RASEF: variants seen among roughly 807,000 people sequenced by gnomAD.
RASEF encodes ras and EF-hand domain-containing protein.
Under a neutral mutation model 90.1 loss-of-function variants are expected in RASEF, and 68 were observed. The observed-to-expected ratio is 0.75, with a 90% CI of 0.62 to 0.92. RASEF has a LOEUF of 0.92. RASEF is among the 40% of genes least tolerant of loss of function. The pLI is 0.00. For missense variants in RASEF, 949 were observed against 937.2 expected (o/e 1.01, Z -0.16); for synonymous variants, 331 against 345.2 (o/e 0.96, Z 0.46).
the RASEF span, among the ~76,000 whole-genome samples, chr9:83,125,322 G>A: frequency 6.6e-6 from 1 of 152,180 alleles, no homozygotes; most frequent in Non-Finnish European, 1.5e-5. Context: ...CTCCTCTAGT[G>A]CTTCCAGAAA....
chr9:83,054,935 C>A (rs1289859894), intron 1 of RASEF: 1 of 149,292 alleles, frequency 6.7e-6, no homozygotes, highest in Non-Finnish European at 1.5e-5. Context: ...GGGAGAACCA[C>A]TGCTCTCTTC....
chr9:82,999,982 GAGACACACACACACAC>G (rs1828993014), intron 12 of RASEF, among the ~76,000 whole-genome samples, 171 bp downstream of exon 12: 4 of 109,122 alleles, frequency 3.7e-5, no homozygotes, highest in Admixed American at 3.2e-4. Flanking sequence ...CATAGACTAG[GAGACACACACACACAC>G]ACACACACAC....
At chr9:83,006,172 T>C (rs1564074641) in intron 7 of RASEF, among the ~76,000 whole-genome samples, 1 of 152,184 alleles carries the variant, frequency 6.6e-6, no homozygotes, top group Non-Finnish European at 1.5e-5. Flanking sequence ...AATCCTCACT[T>C]CCTCCAGAAC....
the RASEF span, among the ~76,000 whole-genome samples, chr9:83,089,324 A>G: frequency 6.6e-6 from 1 of 151,060 alleles, no homozygotes; most frequent in Non-Finnish European, 1.5e-5. Context: ...AGCTATAAAC[A>G]AAAAAAATTT....
the RASEF span, among the ~76,000 whole-genome samples, chr9:83,165,876 T>A: frequency 1.9e-4 from 29 of 152,108 alleles, no homozygotes; most frequent in Non-Finnish European, 3.5e-4. Context: ...TACATTTTTT[T>A]AAAAACCCTA....
the RASEF span, among the ~76,000 whole-genome samples, chr9:83,179,507 G>T: frequency 6.6e-6 from 1 of 152,106 alleles, no homozygotes; most frequent in South Asian, 2.1e-4. Context: ...AAAGCCTTTA[G>T]TATCTATAGC....
the RASEF span, among the ~76,000 whole-genome samples, chr9:83,141,607 C>T: frequency 2.0e-5 from 3 of 152,170 alleles, no homozygotes; most frequent in Admixed American, 6.5e-5. Flanking sequence ...TTGTCCGGGG[C>T]TGCTCCAGTT....
intron 7 of RASEF, among the ~76,000 whole-genome samples, chr9:83,005,952 C>T (rs1321811320): frequency 6.6e-6 from 1 of 152,208 alleles, no homozygotes; most frequent in Non-Finnish European, 1.5e-5. Context: ...CAGGTACCGT[C>T]GTGTAGCAGG....
At chr9:83,057,578 T>A (rs1477079576) in intron 1 of RASEF, among the ~76,000 whole-genome samples, 2 of 152,098 alleles carry the variant, frequency 1.3e-5, no homozygotes, top group East Asian at 3.9e-4. Flanking sequence ...CGGTTCAGAA[T>A]CCAGAAAAGG....
intron 3 of RASEF, among the ~76,000 whole-genome samples, chr9:83,016,391 G>GT (rs983560628): frequency 6.6e-6 from 1 of 151,988 alleles, no homozygotes; most frequent in Non-Finnish European, 1.5e-5. Flanking sequence ...CTTCTCGGGG[G>GT]TGTCCCTTCA....
chr9:83,071,215 G>A, the RASEF span, among the ~76,000 whole-genome samples: 4 of 152,262 alleles, frequency 2.6e-5, no homozygotes, highest in Non-Finnish European at 4.4e-5. Flanking sequence ...CAGGGGATGG[G>A]GAGGAATCAT....
chr9:83,086,582 G>A, the RASEF span, among the ~76,000 whole-genome samples: 1 of 152,200 alleles, frequency 6.6e-6, no homozygotes, highest in Admixed American at 6.5e-5. Context: ...TGCTTCACGA[G>A]GTTGAGGTCA....
chr9:83,075,904 TCA>T, the RASEF span, among the ~76,000 whole-genome samples: 4 of 151,828 alleles, frequency 2.6e-5, no homozygotes, highest in African/African-American at 9.7e-5. Flanking sequence ...GCACGGTGGC[TCA>T]CACCTGTAAT....
chr9:83,008,895 T>TAC (rs1829181975), intron 6 of RASEF, among the ~76,000 whole-genome samples: 1 of 90,352 alleles, frequency 1.1e-5, no homozygotes, highest in Admixed American at 1.1e-4. Context: ...TCTCATCATA[T>TAC]ATATATATAT....
chr9:83,198,722 G>A, the RASEF span, among the ~76,000 whole-genome samples: 1 of 152,172 alleles, frequency 6.6e-6, no homozygotes. Context: ...CCACAGAGCA[G>A]ACTGCAGTCC....
rs188278092 is a variant in RASEF, at chr9:82,989,174, C to T, written c.2117+1217G>A. On this transcript the variant is annotated intron_variant, in intron 16 of 16. Transcript: ENST00000376447. The stretch of plus-strand genomic sequence containing the variant: ...ATTAATAGAACTCTAATTTATTAAG[C>T]ACTATAAATGCCAAGTCATTAATGT... 4.7e-4 allele frequency among the ~76,000 whole-genome samples: 72 copies of T among 152,120 alleles called. 1 individual carries two copies. Among genetic ancestry groups the T allele is most frequent in the African/African-American group, 1.7e-3 (72 of 41,516 alleles).
chr9:82,989,211 T>C (rs1229399617), intron 16 of RASEF, among the ~76,000 whole-genome samples: 1 of 145,112 alleles, frequency 6.9e-6, no homozygotes, highest in Non-Finnish European at 1.5e-5. Context: ...TATATGTATA[T>C]GTATGTGTGC....
the RASEF span, chr9:83,202,168 CCTT>C: frequency 3.9e-5 from 6 of 152,092 alleles, no homozygotes; most frequent in Non-Finnish European, 7.4e-5. Flanking sequence ...GCACTTTGCT[CCTT>C]AAGTTCTCAT....
chr9:83,035,270 A>G (rs572523410), intron 1 of RASEF, among the ~76,000 whole-genome samples: 5 of 152,204 alleles, frequency 3.3e-5, no homozygotes, highest in Admixed American at 6.5e-5. Context: ...GCAGTGTGAA[A>G]GCAGCCTAGA....
Sources: allele counts gnomAD v4.1 joint callset (sites outside exome capture counted in the v4.1 genomes callset), GRCh38; gene constraint gnomAD v4.1.1; transcripts MANE v1.5; gene names NCBI Gene and HGNC (gene_info 2026-07-23, HGNC 2026-07-21).